PDIA5: variants seen among roughly 807,000 people sequenced by gnomAD.
PDIA5 encodes the protein protein disulfide isomerase family A member 5.
A neutral mutation model predicts 77.6 loss-of-function variants in PDIA5; 58 were observed. The ratio of observed to expected loss-of-function variants is 0.75; its 90% CI spans 0.61 to 0.93. The LOEUF is 0.93. Ranked by LOEUF, PDIA5 falls within the 40% of genes least tolerant of loss-of-function variation. PDIA5 has a pLI of 0.00. For synonymous variants in PDIA5, 250 were observed against 252.1 expected, an observed-to-expected ratio of 0.99 and a Z score of 0.08; for missense variants, 630 against 647.7, an observed-to-expected ratio of 0.97 and a Z score of 0.30.
chr3:123,138,784 A>G (rs1370696383), intron 11 of PDIA5, among the ~76,000 whole-genome samples: 2 of 152,044 alleles, frequency 1.3e-5, no homozygotes, highest in Non-Finnish European at 2.9e-5. Context: ...TGGCATTTGT[A>G]GGAAACCCTC....
At chr3:123,130,427 G>GT (rs1560539788) in intron 10 of PDIA5, 53 bp from the exon 11 acceptor site, 3 of 1,555,378 alleles carry the variant, frequency 1.9e-6, no homozygotes, top group East Asian at 2.3e-5. Context: ...AATTAGAAGG[G>GT]CTGCCAAGGC....
At chr3:123,067,258 G>C (rs1933591753) in intron 1 of PDIA5, 52 bp downstream of exon 1, 3 of 1,213,240 alleles carry the variant, frequency 2.5e-6, no homozygotes, top group Non-Finnish European at 1.0e-6. Context: ...TGTCCCGCGT[G>C]CCCTTCTGCG....
chr3:123,104,370 G>C lies in PDIA5; in HGVS notation c.387+1574G>C, dbSNP rs1934681388. Among the ~76,000 whole-genome samples the C allele has an allele frequency of 2.0e-5, 3 of 152,162 alleles. No individual in the cohort carries two copies. The South Asian group carries it at 6.2e-4, about 32-fold the overall frequency. On this transcript the variant is annotated intron_variant, in intron 5 of 16. Coordinates refer to ENST00000316218, the MANE Select transcript of PDIA5 (RefSeq NM_006810.4). ...CTGATGGCTTCTGCTTTTTCAGCTT[G>C]AGACAGCTGAGATCAGAGCCCACCT...
intron 14 of PDIA5, among the ~76,000 whole-genome samples, chr3:123,152,079 GCCTTCCTT>G (rs1422007373): frequency 3.0e-5 from 2 of 65,824 alleles, no homozygotes; most frequent in African/African-American, 1.2e-4. Context: ...CTTTCTTCCT[GCCTTCCTT>G]CCTGCCTTCC....
intron 8 of PDIA5, among the ~76,000 whole-genome samples, chr3:123,116,986 G>A (rs893900518): frequency 1.3e-5 from 2 of 151,762 alleles, no homozygotes; most frequent in Non-Finnish European, 2.9e-5. Context: ...GGGATGGGGC[G>A]GGGAGGTAGG....
At chr3:123,067,821 G>A (rs2107897041) in intron 1 of PDIA5, among the ~76,000 whole-genome samples, 1 of 152,362 alleles carries the variant, frequency 6.6e-6, no homozygotes, top group Admixed American at 6.5e-5. Flanking sequence ...GTGTGACGCG[G>A]CGGTTCATTT....
intron 1 of PDIA5, among the ~76,000 whole-genome samples, chr3:123,081,079 G>A (rs1407632337): frequency 6.6e-6 from 1 of 152,152 alleles, no homozygotes; most frequent in Non-Finnish European, 1.5e-5. Flanking sequence ...CCAAGGGCTG[G>A]AACATGGCCC....
intron 10 of PDIA5, among the ~76,000 whole-genome samples, chr3:123,127,799 C>A (rs576133913): frequency 1.4e-4 from 21 of 152,342 alleles, no homozygotes; most frequent in Admixed American, 1.1e-3. Context: ...GAATTAAACA[C>A]TTCCAGTTCC....
At position 123,154,970 on chromosome 3, in the gene PDIA5, G is replaced by T; in HGVS notation, c.1274-1G>T. On this transcript the variant is annotated splice_acceptor_variant, in intron 14 of 16. Coordinates refer to ENST00000316218, the MANE Select transcript of PDIA5 (RefSeq NM_006810.4). LOFTEE classifies it high-confidence loss of function. ...GTGTGCTCTCTTCCCCTCTCACACA[G>T]GGTGCCCACACTGTAAGAAGGTCAT... 6.2e-7 allele frequency: 1 copy of T among 1,604,198 alleles called. No individual in the cohort carries two copies. Among genetic ancestry groups the T allele is most frequent in the Non-Finnish European group, 8.5e-7 (1 of 1,171,024 alleles).
At chr3:123,103,227 A>G (rs1199044079) in intron 5 of PDIA5, among the ~76,000 whole-genome samples, 1 of 152,228 alleles carries the variant, frequency 6.6e-6, no homozygotes, top group East Asian at 1.9e-4. Flanking sequence ...AGATATGGGT[A>G]TCATTGAGGA....
chr3:123,067,068 T>C lies in PDIA5; in HGVS notation c.-97T>C, dbSNP rs1237638853. 2.0e-6 allele frequency: 2 copies of C among 1,014,378 alleles called. No individual in the cohort carries two copies. The highest frequency in any genetic ancestry group is 6.5e-5 in the East Asian group (2 of 30,742). 62.8% of individuals were successfully genotyped at this position (1,014,378 alleles called of 1,614,324 possible). A position where few individuals can be genotyped will look rare whatever the true frequency, so the allele number is the denominator to read the frequency against. On this transcript the variant is annotated 5_prime_UTR_variant, in exon 1 of 17. Coordinates refer to ENST00000316218, the MANE Select transcript of PDIA5 (RefSeq NM_006810.4). ...TCGGAGGCGGGGAGCGGCTGGGAAG[T>C]GGCCGTGGTGGTTGGCCGCGGTGGA...
chr3:123,110,913 G>A (rs368222736), intron 6 of PDIA5, 31 bp from the exon 7 acceptor site: 93 of 1,584,782 alleles, frequency 5.9e-5, no homozygotes, highest in African/African-American at 3.9e-4. Context: ...TGTTGTGTGC[G>A]AGCTGCTGGT....
intron 2 of PDIA5, among the ~76,000 whole-genome samples, chr3:123,092,145 G>T (rs1307984539): frequency 6.6e-6 from 1 of 152,130 alleles, no homozygotes; most frequent in Non-Finnish European, 1.5e-5. Context: ...AGTATGGTGG[G>T]ATCAGGGGTT....
rs374731519 is a variant in PDIA5, at chr3:123,155,053, G to A, written c.1344+12G>A. On this transcript the variant is annotated intron_variant, in intron 15 of 16. Coordinates refer to ENST00000316218, the MANE Select transcript of PDIA5 (RefSeq NM_006810.4). Reference sequence around the variant, plus strand: ...AAGATGACCGAAAGGTAAGGACAGCGCTCTTCATCTCTTGATCTGCCTGCA... The same window carrying A: ...AAGATGACCGAAAGGTAAGGACAGCACTCTTCATCTCTTGATCTGCCTGCA... The A allele has an allele frequency of 7.4e-5, 116 of 1,578,078 alleles. No homozygotes were observed. Among genetic ancestry groups the A allele is most frequent in the African/African-American group, 1.3e-4 (10 of 74,184 alleles).
chr3:123,095,536 G>C (rs1358501649), intron 3 of PDIA5, among the ~76,000 whole-genome samples: 1 of 152,098 alleles, frequency 6.6e-6, no homozygotes, highest in African/African-American at 2.4e-5. Context: ...GATTACCTGA[G>C]GTCGGGAGTT....
chr3:123,067,434 TG>T, intron 1 of PDIA5: 1 of 403,642 alleles, frequency 2.5e-6, no homozygotes. Context: ...GAGGCAGCTG[TG>T]GGGCGCCGGG....
At chr3:123,158,742 C>T (rs919764946) in intron 15 of PDIA5, among the ~76,000 whole-genome samples, 8 of 152,152 alleles carry the variant, frequency 5.3e-5, no homozygotes, top group Non-Finnish European at 8.8e-5. Flanking sequence ...ACACCAGCAG[C>T]GTGTGCCCCA....
chr3:123,154,902 G>A, intron 14 of PDIA5, 69 bp from the exon 15 acceptor site: 1 of 1,021,474 alleles, frequency 9.8e-7, no homozygotes, highest in Non-Finnish European at 1.6e-6. Context: ...TTTCAGGAAG[G>A]GTCCCTGGCC....
At chr3:123,110,032 C>T (rs1225132325) in intron 6 of PDIA5, among the ~76,000 whole-genome samples, 1 of 152,222 alleles carries the variant, frequency 6.6e-6, no homozygotes, top group African/African-American at 2.4e-5. Flanking sequence ...AAAACCCTCT[C>T]ATTTTCTTCT....
Sources: gnomAD v4.1 joint callset for allele counts (sites outside exome capture counted in the v4.1 genomes callset) on GRCh38, gnomAD v4.1.1 for gene constraint, MANE v1.5 for transcripts, NCBI Gene and HGNC (gene_info 2026-07-23, HGNC 2026-07-21) for gene names.